The following GRIA4 variants were observed in gnomAD, a reference collection of about 807,000 sequenced individuals.
GRIA4 encodes glutamate receptor 4.
GRIA4 carries 34 observed loss-of-function variants against 104.0 expected under a neutral mutation model. That is an observed-to-expected ratio of 0.33 (90% CI 0.25 to 0.44). The LOEUF is 0.44. GRIA4 is among the 20% of genes least tolerant of loss of function. The probability of loss-of-function intolerance (pLI) is 1.00; values close to 1 mark genes in which losing one functional copy is unlikely to be tolerated. For synonymous variants in GRIA4, 386 were observed against 381.9 expected, an observed-to-expected ratio of 1.01 and a Z score of -0.13; for missense variants, 750 against 1,096.5, an observed-to-expected ratio of 0.68 and a Z score of 4.46.
At chr11:105,736,058 G>A (rs1938915313) in intron 3 of GRIA4, among the ~76,000 whole-genome samples, 1 of 152,066 alleles carries the variant, frequency 6.6e-6, no homozygotes, top group Non-Finnish European at 1.5e-5. Flanking sequence ...TTAATTGGTG[G>A]CCAATGCTTA....
intron 7 of GRIA4, among the ~76,000 whole-genome samples, chr11:105,899,424 G>T (rs1047669228): frequency 6.6e-6 from 1 of 152,144 alleles, no homozygotes; most frequent in Non-Finnish European, 1.5e-5. Context: ...CAGGGACCAG[G>T]TTCATGGAAT....
At chr11:105,975,457 T>C (rs760851365) in intron 16 of GRIA4, among the ~76,000 whole-genome samples, 1 of 152,056 alleles carries the variant, frequency 6.6e-6, no homozygotes, top group South Asian at 2.1e-4. Context: ...TTCAGTAAAA[T>C]ATAGGAGTTG....
chr11:105,806,753 A>C (rs1942969009), intron 4 of GRIA4, among the ~76,000 whole-genome samples: 1 of 151,862 alleles, frequency 6.6e-6, no homozygotes, highest in Non-Finnish European at 1.5e-5. Flanking sequence ...AAAGTGCCCC[A>C]AAAAAGTCCG....
intron 4 of GRIA4, among the ~76,000 whole-genome samples, chr11:105,811,110 C>T (rs1018335516): frequency 6.6e-6 from 1 of 152,040 alleles, no homozygotes; most frequent in Non-Finnish European, 1.5e-5. Flanking sequence ...CCCCTTCCCT[C>T]AGTTATAAAA....
At chr11:105,807,373 G>C (rs1377335648) in intron 4 of GRIA4, among the ~76,000 whole-genome samples, 1 of 151,826 alleles carries the variant, frequency 6.6e-6, no homozygotes, top group African/African-American at 2.4e-5. Flanking sequence ...GATATCAATA[G>C]ATAATGTTAA....
chr11:105,971,816 C>T, intron 14 of GRIA4, 98 bp from the exon 15 acceptor site: 3 of 740,344 alleles, frequency 4.1e-6, no homozygotes, highest in Non-Finnish European at 6.8e-6. Flanking sequence ...CTACTGTGGC[C>T]TCTGCTCTGT....
chr11:105,824,657 T>C (rs1404967877), intron 4 of GRIA4: 2 of 152,124 alleles, frequency 1.3e-5, no homozygotes, highest in Non-Finnish European at 2.9e-5. Context: ...GGCAGTATCA[T>C]AGCCAGTGAG....
rs566174960 is a variant in GRIA4 at position 105,635,646 on chromosome 11, G to A, written c.247+23212G>A. Among the ~76,000 whole-genome samples the A allele has an allele frequency of 1.8e-4, 28 of 152,244 alleles. 1 individual carries two copies. Among genetic ancestry groups the A allele is most frequent in the African/African-American group, 6.7e-4 (28 of 41,534 alleles). On this transcript the variant is annotated intron_variant, in intron 3 of 16. Coordinates refer to ENST00000282499, the MANE Select transcript of GRIA4 (RefSeq NM_000829.4). ...AGAGGCTGCTCCTGCCCGCCTGCCC[G>A]AGCTGTGGCCTCAGTCCATGCGGAG... is the stretch of plus-strand genomic sequence containing the variant.
At chr11:105,902,491 G>A (rs917059605) in intron 7 of GRIA4, among the ~76,000 whole-genome samples, 1 of 151,768 alleles carries the variant, frequency 6.6e-6, no homozygotes, top group African/African-American at 2.4e-5. Flanking sequence ...ACACAACCAC[G>A]CCTGGCTAAT....
chr11:105,683,970 G>A (rs1218205809), intron 3 of GRIA4, among the ~76,000 whole-genome samples: 1 of 152,022 alleles, frequency 6.6e-6, no homozygotes, highest in Non-Finnish European at 1.5e-5. Flanking sequence ...CACCTCCTGG[G>A]TTCAAGAGAT....
chr11:105,708,760 A>C (rs1382367026), intron 3 of GRIA4, among the ~76,000 whole-genome samples: 6 of 152,006 alleles, frequency 3.9e-5, no homozygotes, highest in Non-Finnish European at 1.5e-5. Context: ...TTGCAAATAA[A>C]AAAAAGAGGA....
chr11:105,877,310 A>T (rs1341236773), intron 5 of GRIA4, among the ~76,000 whole-genome samples: 1 of 152,102 alleles, frequency 6.6e-6, no homozygotes, highest in Non-Finnish European at 1.5e-5. Flanking sequence ...TTTGTGGGTA[A>T]CTCAACCTTT....
At chr11:105,736,191 C>A (rs936037118) in intron 3 of GRIA4, among the ~76,000 whole-genome samples, 1 of 152,052 alleles carries the variant, frequency 6.6e-6, no homozygotes, top group Non-Finnish European at 1.5e-5. Flanking sequence ...CAGTGGCACC[C>A]CTTGTAGTGG....
At chr11:105,755,545 G>A (rs1305583774) in intron 4 of GRIA4, among the ~76,000 whole-genome samples, 6 of 152,088 alleles carry the variant, frequency 3.9e-5, no homozygotes, top group South Asian at 2.1e-4. Context: ...GGGAACGTCC[G>A]TCCTTTTCTT....
intron 6 of GRIA4, among the ~76,000 whole-genome samples, chr11:105,892,081 CCTGT>C (rs1946475645): frequency 6.6e-6 from 1 of 152,206 alleles, no homozygotes; most frequent in Admixed American, 6.5e-5. Context: ...GAAGCTCTGG[CCTGT>C]CTGATTGCAA....
intron 4 of GRIA4, among the ~76,000 whole-genome samples, chr11:105,825,109 G>A (rs1184393384): frequency 2.6e-5 from 4 of 152,058 alleles, no homozygotes; most frequent in Middle Eastern, 3.4e-3. Flanking sequence ...TCCAAGTGTC[G>A]AACCAAAAAG....
At chr11:105,611,749 G>C (rs1950486851) in intron 2 of GRIA4, among the ~76,000 whole-genome samples, 1 of 152,128 alleles carries the variant, frequency 6.6e-6, no homozygotes, top group African/African-American at 2.4e-5. Flanking sequence ...CGCAGCTATT[G>C]AATTTCTTCC....
At chr11:105,798,836 G>T (rs554295614) in intron 4 of GRIA4, among the ~76,000 whole-genome samples, 1 of 152,162 alleles carries the variant, frequency 6.6e-6, no homozygotes, top group South Asian at 2.1e-4. Context: ...AAGAATATTG[G>T]TGGGAAGTCA....
At chr11:105,643,034 C>T (rs967180138) in intron 3 of GRIA4, among the ~76,000 whole-genome samples, 2 of 152,184 alleles carry the variant, frequency 1.3e-5, no homozygotes, top group Non-Finnish European at 2.9e-5. Flanking sequence ...GGAAAAGCCT[C>T]ATAAAACCAT....
Sources: allele counts gnomAD v4.1 joint callset (sites outside exome capture counted in the v4.1 genomes callset), GRCh38; gene constraint gnomAD v4.1.1; transcripts MANE v1.5; gene names NCBI Gene and HGNC (gene_info 2026-07-23, HGNC 2026-07-21).